The following KMT5B variants were observed in gnomAD, a reference collection of about 807,000 sequenced individuals.
The protein encoded by KMT5B is histone-lysine N-methyltransferase KMT5B.
KMT5B carries 10 observed loss-of-function variants against 83.2 expected under a neutral mutation model. The ratio of observed to expected loss-of-function variants is 0.12; its 90% CI spans 0.07 to 0.20. The LOEUF (loss-of-function observed/expected upper bound fraction) is 0.20. Among genes scored for constraint, KMT5B ranks in the 10% least tolerant of loss-of-function variants. The probability of loss-of-function intolerance (pLI) is 1.00; values close to 1 mark genes in which losing one functional copy is unlikely to be tolerated. For missense variants in KMT5B, 753 were observed against 1,067.2 expected (o/e 0.71, Z 4.10); for synonymous variants, 349 against 388.8 (o/e 0.90, Z 1.20).
chr11:68,206,712 G>GCA (rs1860163952), intron 1 of KMT5B, among the ~76,000 whole-genome samples: 1 of 151,840 alleles, frequency 6.6e-6, no homozygotes, highest in Non-Finnish European at 1.5e-5. Context: ...AGTAACTAAG[G>GCA]CAAAAGTAAA....
In KMT5B at chr11:68,171,517, G is replaced by A. The variant is rs374625834; in HGVS notation, c.820+26C>T. ...GTTAGCAGGAATGGCCAACACTAGC[G>A]CCAACACCTTGGAAACACAGCTTAC... On this transcript the variant is annotated intron_variant, in intron 7 of 10. Transcript: ENST00000304363. The surrounding 1 kb of genome is among the most constrained non-coding windows in gnomAD (Gnocchi z 5.1). The A allele has an allele frequency of 4.5e-5, 73 of 1,609,054 alleles. 1 individual carries two copies. The African/African-American group carries it at 5.5e-4, about 12-fold the overall frequency.
At chr11:68,174,627 C>T (rs546184232) in intron 5 of KMT5B, among the ~76,000 whole-genome samples, 4 of 152,188 alleles carry the variant, frequency 2.6e-5, no homozygotes, top group African/African-American at 7.2e-5. Flanking sequence ...CTCTTGGGCA[C>T]AAGCAATGCT....
chr11:68,160,413 T>A (rs1854753444), intron 10 of KMT5B, among the ~76,000 whole-genome samples: 2 of 152,154 alleles, frequency 1.3e-5, no homozygotes, highest in Admixed American at 6.5e-5. Flanking sequence ...TTCTTCCTAA[T>A]CAAAACACTC....
intron 10 of KMT5B, 65 bp downstream of exon 10, chr11:68,166,917 C>G (rs1355425220): frequency 2.5e-6 from 4 of 1,593,516 alleles, no homozygotes; most frequent in Non-Finnish European, 3.4e-6. Context: ...CTGAAGCACA[C>G]TTTATAAAGC....
chr11:68,167,783 T>C lies in KMT5B; in HGVS notation c.978-605A>G, dbSNP rs993251138. Among the ~76,000 whole-genome samples, 5 of 152,300 alleles carry C rather than the reference T, an allele frequency of 3.3e-5. No individual in the cohort carries two copies. In the East Asian group the frequency reaches 9.6e-4, roughly 29 times the overall value. ...CTTTAATAAACATTGCCAGATTACT[T>C]TGCCAAAGGGATAGAGCAAATCATG... On this transcript the variant is annotated intron_variant, in intron 9 of 10. Transcript: ENST00000304363.
At chr11:68,182,870 G>A (rs1857075950) in intron 3 of KMT5B, among the ~76,000 whole-genome samples, 1 of 151,824 alleles carries the variant, frequency 6.6e-6, no homozygotes, top group South Asian at 2.1e-4. Context: ...CTGAGTAGCT[G>A]GGAGTACAGG....
chr11:68,173,665 G>A lies in KMT5B; in HGVS notation c.653+139C>T, dbSNP rs1208632381. 7 of 599,684 alleles carry A rather than the reference G, an allele frequency of 1.2e-5. No homozygotes were observed. The African/African-American group carries it at 1.3e-4, about 11-fold the overall frequency. The allele number at this position is 599,684 out of a possible 1,614,324, so 37.1% of individuals were successfully genotyped here. On this transcript the variant is annotated intron_variant, in intron 6 of 10. Transcript: ENST00000304363. ...TCCCCACTCTGACTCCAGCTGATGG[G>A]CCAAGGCAACGGCGATGCATTGGCT...
rs140940573 is a variant in KMT5B, at chr11:68,175,177, C to T, written c.384G>A (p.Arg128=). 269 of 1,610,552 alleles carry T rather than the reference C, an allele frequency of 1.7e-4. No individual in the cohort carries two copies. In the African/African-American group the frequency reaches 3.3e-3, roughly 20 times the overall value. ...SFSHNNPVRF[R]PIKGRQEELK... ...GTTCTTCCTGCCTTCCTTTAATAGG[C>T]CTAAATCTGAAAGAAATCAAAAGAA... The change falls in exon 5 of 11, where the codon AGG becomes AGA. Residue 128 remains arginine (R), a synonymous_variant. Transcript: ENST00000304363.
chr11:68,171,498 A>G lies in KMT5B; in HGVS notation c.820+45T>C. The G allele has an allele frequency of 1.3e-6, 2 of 1,579,588 alleles. No individual in the cohort carries two copies. The highest frequency in any genetic ancestry group is 1.7e-6 in the Non-Finnish European group (2 of 1,158,152). ...TGACAAGGCCATTCTAGCAGTTAGCAGGAATGGCCAACACTAGCGCCAACA... is the reference window on the plus strand; with the variant it reads ...TGACAAGGCCATTCTAGCAGTTAGCGGGAATGGCCAACACTAGCGCCAACA... On this transcript the variant is annotated intron_variant, in intron 7 of 10. Transcript: ENST00000304363. The surrounding 1 kb of genome is among the most constrained non-coding windows in gnomAD (Gnocchi z 5.1).
chr11:68,179,150 C>T (rs1475126461), intron 4 of KMT5B, among the ~76,000 whole-genome samples: 3 of 137,916 alleles, frequency 2.2e-5, no homozygotes, highest in Non-Finnish European at 4.5e-5. Context: ...TGGGCCCAGC[C>T]AGAGACAGCT....
intron 10 of KMT5B, 114 bp from the exon 11 acceptor site, chr11:68,159,285 A>AC (rs1854652483): frequency 1.4e-6 from 2 of 1,397,988 alleles, no homozygotes; most frequent in Non-Finnish European, 1.9e-6. Flanking sequence ...AAACGCCAAC[A>AC]CCACGGCTCC....
chr11:68,199,643 G>A (rs189140738), intron 1 of KMT5B, among the ~76,000 whole-genome samples: 4 of 152,214 alleles, frequency 2.6e-5, no homozygotes, highest in East Asian at 3.9e-4. Context: ...TTGCTACATG[G>A]TACTTTAAAA....
At chr11:68,166,021 G>GT in intron 10 of KMT5B, 3 of 1,611,258 alleles carry the variant, frequency 1.9e-6, no homozygotes, top group Non-Finnish European at 2.5e-6. Flanking sequence ...AAAATAATCA[G>GT]TATCTCAGAG....
intron 6 of KMT5B, among the ~76,000 whole-genome samples, chr11:68,172,147 T>G (rs1296118315): frequency 6.6e-6 from 1 of 152,250 alleles, no homozygotes; most frequent in African/African-American, 2.4e-5. Flanking sequence ...AGGAATATAA[T>G]GCAAGCCAAA....
At chr11:68,166,170 A>AG in intron 10 of KMT5B, 4 of 1,348,886 alleles carry the variant, frequency 3.0e-6, no homozygotes, top group Non-Finnish European at 3.8e-6. Context: ...CTTTAGTGGC[A>AG]ACTACAGAAA....
intron 1 of KMT5B, among the ~76,000 whole-genome samples, chr11:68,204,895 G>A (rs1035596910): frequency 6.6e-6 from 1 of 152,066 alleles, no homozygotes; most frequent in African/African-American, 2.4e-5. Context: ...GGGATTACAG[G>A]TGTGAGCCAC....
chr11:68,170,554 A>G (rs1168513200), intron 9 of KMT5B, among the ~76,000 whole-genome samples: 1 of 152,232 alleles, frequency 6.6e-6, no homozygotes, highest in East Asian at 1.9e-4. Flanking sequence ...ATGAGACATA[A>G]GAAGAGGTTC....
intron 4 of KMT5B, chr11:68,176,587 C>A (rs1856405860): frequency 6.6e-6 from 1 of 152,138 alleles, no homozygotes; most frequent in South Asian, 2.1e-4. Flanking sequence ...AGATCGAGAC[C>A]ATCCTGGCCA....
At chr11:68,198,703 T>G (rs1448134390) in intron 1 of KMT5B, among the ~76,000 whole-genome samples, 1 of 152,158 alleles carries the variant, frequency 6.6e-6, no homozygotes, top group East Asian at 1.9e-4. Flanking sequence ...CCCAAATTGT[T>G]AGGAAAAACA....
Sources: allele counts gnomAD v4.1 joint callset (sites outside exome capture counted in the v4.1 genomes callset), GRCh38; gene constraint gnomAD v4.1.1; non-coding constraint Gnocchi (gnomAD v3.1); transcripts MANE v1.5; gene names NCBI Gene and HGNC (gene_info 2026-07-23, HGNC 2026-07-21).